SMOC2: variants seen among roughly 807,000 people sequenced by gnomAD.
The protein encoded by SMOC2 is SPARC-related modular calcium-binding protein 2.
Under a neutral mutation model 61.4 loss-of-function variants are expected in SMOC2, and 39 were observed. That is an observed-to-expected ratio of 0.64 (90% CI 0.49 to 0.83). SMOC2 has a LOEUF of 0.83. Ranked by LOEUF, SMOC2 falls within the 40% of genes least tolerant of loss-of-function variation. The probability of loss-of-function intolerance (pLI) is 0.00; values close to 1 mark genes in which losing one functional copy is unlikely to be tolerated. For synonymous variants in SMOC2, 247 were observed against 239.9 expected, an observed-to-expected ratio of 1.03 and a Z score of -0.27; for missense variants, 556 against 592.9, an observed-to-expected ratio of 0.94 and a Z score of 0.65.
chr6:168,629,318 G>C (rs1786503627), intron 9 of SMOC2, among the ~76,000 whole-genome samples: 1 of 152,214 alleles, frequency 6.6e-6, no homozygotes, highest in African/African-American at 2.4e-5. Flanking sequence ...TTCCCACATG[G>C]GAAGGGATCA....
chr6:168,643,513 C>A (rs9364474), intron 9 of SMOC2, among the ~76,000 whole-genome samples: 1 of 151,982 alleles, frequency 6.6e-6, no homozygotes, highest in Non-Finnish European at 1.5e-5. Flanking sequence ...CTCCCTGTTC[C>A]AAATGGCTCA....
chr6:168,628,536 A>G (rs1277489054), intron 9 of SMOC2, among the ~76,000 whole-genome samples: 1 of 152,190 alleles, frequency 6.6e-6, no homozygotes. Context: ...AGGAAACAGG[A>G]GTATGTAATT....
At chr6:168,664,516 AT>A in intron 12 of SMOC2, 1 of 388,594 alleles carries the variant, frequency 2.6e-6, no homozygotes, top group Non-Finnish European at 5.0e-6. Flanking sequence ...ACCCGGCTGA[AT>A]TTTTTCAAGC....
intron 4 of SMOC2, among the ~76,000 whole-genome samples, chr6:168,538,358 G>C (rs1783791723): frequency 7.2e-6 from 1 of 139,476 alleles, no homozygotes; most frequent in Non-Finnish European, 1.6e-5. Flanking sequence ...GTGGGGAGTG[G>C]GGTGACCCCT....
chr6:168,626,163 A>G (rs1465929747), intron 9 of SMOC2, among the ~76,000 whole-genome samples: 1 of 152,198 alleles, frequency 6.6e-6, no homozygotes, highest in Non-Finnish European at 1.5e-5. Context: ...GACAATCTAC[A>G]TTGTGGAGGA....
chr6:168,503,948 C>T (rs1782800461), intron 1 of SMOC2, among the ~76,000 whole-genome samples: 1 of 152,158 alleles, frequency 6.6e-6, no homozygotes, highest in Non-Finnish European at 1.5e-5. Context: ...GAGGGAGGAG[C>T]CCAGCACCTC....
intron 9 of SMOC2, among the ~76,000 whole-genome samples, chr6:168,610,259 A>G (rs184725717): frequency 2.0e-5 from 3 of 152,300 alleles, no homozygotes; most frequent in Admixed American, 2.0e-4. Flanking sequence ...CCTTGCCCAC[A>G]CCTCAGACGA....
intron 9 of SMOC2, among the ~76,000 whole-genome samples, chr6:168,637,845 C>T (rs147517634): frequency 1.1e-3 from 175 of 152,282 alleles, no homozygotes; most frequent in African/African-American, 4.0e-3. Context: ...CCCTTCCCTA[C>T]GGGGAAGGGG....
intron 4 of SMOC2, among the ~76,000 whole-genome samples, chr6:168,541,631 G>A (rs2115097097): frequency 2.0e-5 from 3 of 152,238 alleles, no homozygotes; most frequent in Middle Eastern, 6.8e-3. Flanking sequence ...TTCATCCCAA[G>A]GTGGTTAAAA....
intron 4 of SMOC2, among the ~76,000 whole-genome samples, chr6:168,537,482 A>T (rs1783759207): frequency 6.6e-6 from 1 of 152,238 alleles, no homozygotes; most frequent in Non-Finnish European, 1.5e-5. Context: ...TGTCTGTCCT[A>T]ATACAGCACT....
Position 168,599,412 on chromosome 6 carries a change from ATT to A in SMOC2, c.824+409_824+410del, listed in dbSNP as rs1292511774. ...CTCACACACACACTGACACACACACATTCATACCCCCCACACCCACACTCACA... is the reference window on the plus strand; with the variant it reads ...CTCACACACACACTGACACACACACACATACCCCCCACACCCACACTCACA... On this transcript the variant is annotated intron_variant, in intron 8 of 12. Coordinates refer to ENST00000356284, the MANE Select transcript of SMOC2 (RefSeq NM_001166412.2). 6.3e-3 allele frequency among the ~76,000 whole-genome samples: 314 copies of A among 49,786 alleles called. 2 individuals carry two copies. Among genetic ancestry groups the A allele is most frequent in the African/African-American group, 0.017 (266 of 15,482 alleles). 32.7% of individuals were successfully genotyped at this position (49,786 alleles called of 152,430 possible).
At position 168,608,149 on chromosome 6, in the gene SMOC2, GC is replaced by G; in HGVS notation, c.825-5del. On this transcript the variant is annotated splice_polypyrimidine_tract_variant and splice_region_variant and intron_variant, in intron 8 of 12. Transcript: ENST00000356284. ...TCTCTCCTTCCCCCGCCTTCCCCCCGCCCATAGGTACGAGCAGCCGAAATGT... is the reference window on the plus strand; with the variant it reads ...TCTCTCCTTCCCCCGCCTTCCCCCCGCCATAGGTACGAGCAGCCGAAATGT... The G allele has an allele frequency of 6.2e-7, 1 of 1,609,264 alleles. No homozygotes were observed. Among genetic ancestry groups the G allele is most frequent in the East Asian group, 2.2e-5 (1 of 44,656 alleles).
chr6:168,525,756 G>A (rs1332292502), intron 2 of SMOC2, among the ~76,000 whole-genome samples: 1 of 152,140 alleles, frequency 6.6e-6, no homozygotes, highest in Non-Finnish European at 1.5e-5. Flanking sequence ...GGGAAACAGA[G>A]AAAAGGGACG....
At chr6:168,615,927 T>C (rs1266270757) in intron 9 of SMOC2, among the ~76,000 whole-genome samples, 1 of 152,232 alleles carries the variant, frequency 6.6e-6, no homozygotes, top group Non-Finnish European at 1.5e-5. Context: ...TGAGAGAGCA[T>C]AAAATGAACC....
At chr6:168,463,369 G>C (rs886577840) in intron 1 of SMOC2, among the ~76,000 whole-genome samples, 1 of 152,188 alleles carries the variant, frequency 6.6e-6, no homozygotes, top group Non-Finnish European at 1.5e-5. Flanking sequence ...GCTGGCACCC[G>C]TTGCTGCGTA....
At chr6:168,471,845 A>G (rs1472626964) in intron 1 of SMOC2, among the ~76,000 whole-genome samples, 4 of 152,170 alleles carry the variant, frequency 2.6e-5, no homozygotes, top group African/African-American at 9.7e-5. Flanking sequence ...ATGAGTAATG[A>G]TGTTGAGCAT....
chr6:168,618,641 G>T (rs1399080335), intron 9 of SMOC2, among the ~76,000 whole-genome samples: 1 of 152,186 alleles, frequency 6.6e-6, no homozygotes, highest in Non-Finnish European at 1.5e-5. Flanking sequence ...TCAAGGAGAG[G>T]TGGTAAAAGA....
chr6:168,507,472 C>A (rs1041485565), intron 1 of SMOC2, among the ~76,000 whole-genome samples: 4 of 152,196 alleles, frequency 2.6e-5, no homozygotes, highest in African/African-American at 9.6e-5. Flanking sequence ...TCCTCAAGTA[C>A]CTGTGAGGCG....
chr6:168,646,629 A>G (rs1053043505), intron 9 of SMOC2, among the ~76,000 whole-genome samples: 1 of 152,332 alleles, frequency 6.6e-6, no homozygotes, highest in Non-Finnish European at 1.5e-5. Context: ...GAAAGTCAAA[A>G]ATGCTTTTAA....
Sources: gnomAD v4.1 joint callset for allele counts (sites outside exome capture counted in the v4.1 genomes callset) on GRCh38, gnomAD v4.1.1 for gene constraint, MANE v1.5 for transcripts, NCBI Gene and HGNC (gene_info 2026-07-23, HGNC 2026-07-21) for gene names.